The following FERMT1 variants were observed in gnomAD, a reference collection of about 807,000 sequenced individuals.
FERMT1 encodes the protein fermitin family homolog 1.
A neutral mutation model predicts 85.3 loss-of-function variants in FERMT1; 60 were observed. That is an observed-to-expected ratio of 0.70 (90% CI 0.57 to 0.87). FERMT1 has a LOEUF of 0.87. Among genes scored for constraint, FERMT1 ranks in the 40% least tolerant of loss-of-function variants. The pLI, the probability that FERMT1 is intolerant of heterozygous loss-of-function variation, is 0.00. For missense variants in FERMT1, 701 were observed against 818.9 expected, an observed-to-expected ratio of 0.86 and a Z score of 1.76; for synonymous variants, 275 against 301.1, an observed-to-expected ratio of 0.91 and a Z score of 0.90.
intron 13 of FERMT1, among the ~76,000 whole-genome samples, chr20:6,082,398 G>A (rs1982022845): frequency 6.6e-6 from 1 of 152,220 alleles, no homozygotes; most frequent in African/African-American, 2.4e-5. Context: ...GCAGAGGTGA[G>A]ACTGAAAGCT....
At chr20:6,082,236 GCC>G (rs1982017065) in intron 13 of FERMT1, among the ~76,000 whole-genome samples, 2 of 152,176 alleles carry the variant, frequency 1.3e-5, no homozygotes, top group South Asian at 4.1e-4. Context: ...AGTTGTTCAG[GCC>G]CACACCACGC....
Position 6,075,013 on chromosome 20 carries a change from A to G in FERMT1, c.*2160T>C, listed in dbSNP as rs930461005. 2 of 150,642 alleles carry G rather than the reference A, an allele frequency of 1.3e-5. No homozygotes were observed. The highest frequency in any genetic ancestry group is 1.3e-4 in the Admixed American group (2 of 15,078). The allele number at this position is 150,642 out of a possible 1,614,324, so 9.3% of individuals were successfully genotyped here. On this transcript the variant is annotated 3_prime_UTR_variant, in exon 15 of 15. Transcript: ENST00000217289. The stretch of plus-strand genomic sequence containing the variant: ...TTTGCACTCAGTATTAAAAAAAACC[A>G]TCAAGTTGCTCTTTGGAACAGTAGC...
chr20:6,115,599 C>A (rs1224915109), intron 3 of FERMT1, among the ~76,000 whole-genome samples: 1 of 152,128 alleles, frequency 6.6e-6, no homozygotes, highest in African/African-American at 2.4e-5. Context: ...TAGTTTTAAG[C>A]TTTGTGGAGA....
Position 6,094,960 on chromosome 20 carries a change from G to A in FERMT1, c.1118C>T (p.Ala373Val). The stretch of plus-strand genomic sequence containing the variant: ...TTACCTAAATAATTTGAGATTATCT[G>A]CAAGTTTAGGGATATCAGTAATGTC... ...LEDITDIPKLADNLKLFRPKK... is the reference protein window; with the variant it reads ...LEDITDIPKLVDNLKLFRPKK... The change falls in exon 9 of 15, where the codon GCA becomes GTA. Residue 373 changes from alanine to valine, a missense_variant. Ala to Val is a moderately conservative substitution (Grantham distance 64). Coordinates refer to ENST00000217289, the MANE Select transcript of FERMT1 (RefSeq NM_017671.5). 6.5e-7 allele frequency: 1 copy of A among 1,538,024 alleles called. No individual in the cohort carries two copies. Among genetic ancestry groups the A allele is most frequent in the Non-Finnish European group, 9.0e-7 (1 of 1,110,694 alleles).
intron 13 of FERMT1, among the ~76,000 whole-genome samples, chr20:6,082,316 G>GC (rs1220779481): frequency 6.6e-6 from 1 of 152,210 alleles, no homozygotes; most frequent in Non-Finnish European, 1.5e-5. Flanking sequence ...GGTTCGGAGA[G>GC]CCCACTGGAC....
At chr20:6,093,426 C>G (rs1270388996) in intron 9 of FERMT1, among the ~76,000 whole-genome samples, 1 of 152,226 alleles carries the variant, frequency 6.6e-6, no homozygotes, top group Non-Finnish European at 1.5e-5. Flanking sequence ...ATGGATTCAA[C>G]TCCAGCATCA....
At chr20:6,098,716 T>A (rs919228041) in intron 6 of FERMT1, among the ~76,000 whole-genome samples, 2 of 152,138 alleles carry the variant, frequency 1.3e-5, no homozygotes, top group Admixed American at 6.5e-5. Flanking sequence ...TCCAAAAATA[T>A]AAATTACAGA....
intron 8 of FERMT1, 113 bp downstream of exon 8, chr20:6,096,782 CTTTTTTT>C (rs202086138): frequency 1.7e-5 from 9 of 534,094 alleles, no homozygotes; most frequent in East Asian, 5.1e-5. Flanking sequence ...TGAAGAGCAT[CTTTTTTT>C]TTTTTTTTTT....
At chr20:6,080,101 C>T (rs993489053) in intron 13 of FERMT1, among the ~76,000 whole-genome samples, 3 of 152,036 alleles carry the variant, frequency 2.0e-5, no homozygotes, top group Admixed American at 1.3e-4. Context: ...ATGTGAGCCG[C>T]GTGGATATCT....
At position 6,085,277 on chromosome 20, in the gene FERMT1, T is replaced by C. The variant is rs1982141755; in HGVS notation, c.1382A>G (p.Tyr461Cys). ...MYLRCDHENQ[Y>C]AQWMAACMLA... ...CATGCAGGCAGCCATCCATTGGGCG[T>C]ATTGATTCTCCTGCAGCAAACAGAA... The change falls in exon 12 of 15, where the codon TAC becomes TGC. Residue 461 changes from tyrosine (Y) to cysteine (C), a missense_variant. Tyr to Cys is a radical substitution (Grantham distance 194). Transcript: ENST00000217289. The C allele has an allele frequency of 4.3e-6, 7 of 1,613,412 alleles. No homozygotes were observed. The highest frequency in any genetic ancestry group is 5.9e-6 in the Non-Finnish European group (7 of 1,180,018).
intron 13 of FERMT1, 76 bp from the exon 14 acceptor site, chr20:6,079,653 T>C (rs546726364): frequency 1.5e-6 from 2 of 1,322,330 alleles, no homozygotes; most frequent in East Asian, 2.3e-5. Flanking sequence ...TATAACTTCT[T>C]AAAAATACTA....
intron 11 of FERMT1, among the ~76,000 whole-genome samples, chr20:6,087,405 G>T (rs1053156662): frequency 2.0e-5 from 3 of 152,154 alleles, no homozygotes; most frequent in East Asian, 3.9e-4. Context: ...CTGCATCCTG[G>T]GTTCAAGTGA....
intron 6 of FERMT1, 139 bp from the exon 7 acceptor site, chr20:6,097,770 A>T: frequency 5.6e-6 from 4 of 715,532 alleles, no homozygotes; most frequent in Non-Finnish European, 7.7e-6. Context: ...GAATACTTCT[A>T]TTGTGCCATA....
intron 6 of FERMT1, among the ~76,000 whole-genome samples, chr20:6,100,075 A>G (rs1982621439): frequency 6.6e-6 from 1 of 152,110 alleles, no homozygotes; most frequent in African/African-American, 2.4e-5. Flanking sequence ...ACATCTAAAA[A>G]TGGTTAAAAT....
intron 6 of FERMT1, among the ~76,000 whole-genome samples, chr20:6,100,547 T>A (rs901544295): frequency 6.6e-6 from 1 of 152,204 alleles, no homozygotes; most frequent in African/African-American, 2.4e-5. Context: ...TGCACAACTC[T>A]GAATATACTA....
At chr20:6,116,598 C>T (rs762219618) in intron 2 of FERMT1, among the ~76,000 whole-genome samples, 12 of 151,586 alleles carry the variant, frequency 7.9e-5, no homozygotes, top group Admixed American at 5.9e-4. Context: ...TGTGGTGGTG[C>T]GCACCTGTTA....
At chr20:6,088,371 T>A (rs1280012816) in intron 10 of FERMT1, among the ~76,000 whole-genome samples, 2 of 152,168 alleles carry the variant, frequency 1.3e-5, no homozygotes, top group Non-Finnish European at 2.9e-5. Flanking sequence ...CTTTTCAGGA[T>A]CTTACAGCAC....
intron 6 of FERMT1, among the ~76,000 whole-genome samples, chr20:6,101,415 T>C (rs1218487615): frequency 6.6e-6 from 1 of 152,206 alleles, no homozygotes; most frequent in Non-Finnish European, 1.5e-5. Context: ...ACATGAAAGA[T>C]AGCCATGATA....
intron 14 of FERMT1, among the ~76,000 whole-genome samples, chr20:6,078,661 A>C (rs6085388): frequency 9.3e-6 from 1 of 108,082 alleles, no homozygotes; most frequent in African/African-American, 3.5e-5. Flanking sequence ...TTTTTTTTTT[A>C]ATTTTCTGTG....
Sources: gnomAD v4.1 joint callset for allele counts (sites outside exome capture counted in the v4.1 genomes callset) on GRCh38, gnomAD v4.1.1 for gene constraint, MANE v1.5 for transcripts, NCBI Gene and HGNC (gene_info 2026-07-23, HGNC 2026-07-21) for gene names.